TNS2: variants seen among roughly 807,000 people sequenced by gnomAD.
The protein encoded by TNS2 is tensin-2.
In TNS2, 77 loss-of-function variants were observed where a neutral mutation model predicts 155.7. The ratio of observed to expected loss-of-function variants is 0.49; its 90% CI spans 0.41 to 0.60. The LOEUF (loss-of-function observed/expected upper bound fraction) is 0.60, where lower values mean the gene tolerates loss of function less well. Among genes scored for constraint, TNS2 ranks in the 20% least tolerant of loss-of-function variants. The pLI is 0.00. For missense variants in TNS2, 1,703 were observed against 1,868.8 expected, an observed-to-expected ratio of 0.91 and a Z score of 1.64; for synonymous variants, 726 against 763.9, an observed-to-expected ratio of 0.95 and a Z score of 0.82.
In TNS2 at chr12:53,063,724, C is replaced by T. The variant is rs1944458871; in HGVS notation, c.4092-20C>T. 6.2e-7 allele frequency: 1 copy of T among 1,613,822 alleles called. No homozygotes were observed. Among genetic ancestry groups the T allele is most frequent in the East Asian group, 2.2e-5 (1 of 44,874 alleles). On this transcript the variant is annotated intron_variant, in intron 28 of 28. Transcript: ENST00000314250. This position sits in a 1 kb window ranked among gnomAD's most constrained non-coding sequence, Gnocchi z 5.6. ...TGTGGAAGGAATGTTAAGCCCCTTC[C>T]CCACCCTTTATCCCCCTAGGATCTT... is the stretch of plus-strand genomic sequence containing the variant.
At chr12:53,055,422 G>A in intron 8 of TNS2, 146 bp from the exon 9 acceptor site, 1 of 1,198,156 alleles carries the variant, frequency 8.3e-7, no homozygotes, top group African/African-American at 1.5e-5. Flanking sequence ...CCATTGTATG[G>A]ATAAGGAAAG....
In TNS2 at chr12:53,050,075, C is replaced by A. The variant is rs1036148016; in HGVS notation, c.-111C>A. Reference sequence around the variant, plus strand: ...CTCCTCACACCAGCCAGACAGCCTACCCTCCGCCCAGGGGAAGCGGCTGCC... The same window carrying A: ...CTCCTCACACCAGCCAGACAGCCTAACCTCCGCCCAGGGGAAGCGGCTGCC... On this transcript the variant is annotated 5_prime_UTR_variant, in exon 1 of 29. Transcript: ENST00000314250. The surrounding 1 kb of genome is among the most constrained non-coding windows in gnomAD (Gnocchi z 4.7). The A allele has an allele frequency of 2.6e-6, 4 of 1,532,668 alleles. No individual in the cohort carries two copies. In the Admixed American group the frequency reaches 8.3e-5, roughly 32 times the overall value. 94.9% of individuals were successfully genotyped at this position (1,532,668 alleles called of 1,614,324 possible).
rs760671930 is a variant in TNS2, at chr12:53,059,751, T to G, written c.2110T>G (p.Leu704Val). 4 of 1,612,726 alleles carry G rather than the reference T, an allele frequency of 2.5e-6. No individual in the cohort carries two copies. The East Asian group carries it at 8.9e-5, about 36-fold the overall frequency. Residue 704 changes from leucine to valine, a missense_variant, in exon 18 of 29, where the codon TTG becomes GTG. Physicochemically the swap from Leu to Val is conservative, Grantham distance 32. Coordinates refer to ENST00000314250, the MANE Select transcript of TNS2 (RefSeq NM_170754.4). The surrounding 1 kb of genome is among the most constrained non-coding windows in gnomAD (Gnocchi z 4.7). ...GAAGCTGGCGCTGCCTACAGCAGCC[T>G]TGTATGGACTGCGGCTGGAGAGGGA... ...EEKLALPTAA[L>V]YGLRLEREAG...
intron 14 of TNS2, 23 bp from the exon 15 acceptor site, chr12:53,058,293 G>C (rs753120400): frequency 6.2e-7 from 1 of 1,612,910 alleles, no homozygotes; most frequent in Non-Finnish European, 8.5e-7. Flanking sequence ...GGCCTGATCC[G>C]CAGCCTCCTG....
chr12:53,061,023 GC>G lies in TNS2; in HGVS notation c.3120del (p.Trp1041GlyfsTer114). ...CCCTCACTCCTGTGCCTTCCCAGATGCCCTGGCTTGTGGCCAGCCCAGAGCC... is the reference window on the plus strand; with the variant it reads ...CCCTCACTCCTGTGCCTTCCCAGATGCCTGGCTTGTGGCCAGCCCAGAGCC... ...SPLTPVPSQM[P>X]WLVASPEPPQ... On this transcript the variant is annotated frameshift_variant, in exon 20 of 29. Coordinates refer to ENST00000314250, the MANE Select transcript of TNS2 (RefSeq NM_170754.4). LOFTEE classifies it high-confidence loss of function. 2 of 1,613,702 alleles carry G rather than the reference GC, an allele frequency of 1.2e-6. No homozygotes were observed. The highest frequency in any genetic ancestry group is 1.7e-6 in the Non-Finnish European group (2 of 1,179,874).
intron 11 of TNS2, 117 bp from the exon 12 acceptor site, chr12:53,057,450 A>C: frequency 1.2e-6 from 1 of 817,392 alleles, no homozygotes; most frequent in Non-Finnish European, 2.0e-6. Context: ...GTGACCCGGA[A>C]GATGGGAAGG....
Position 53,063,959 on chromosome 12 carries a change from T to C in TNS2, c.*77T>C. The C allele has an allele frequency of 6.5e-7, 1 of 1,535,096 alleles. No individual in the cohort carries two copies. The highest frequency in any genetic ancestry group is 8.8e-7 in the Non-Finnish European group (1 of 1,130,530). On this transcript the variant is annotated 3_prime_UTR_variant, in exon 29 of 29. Transcript: ENST00000314250. The surrounding 1 kb of genome is among the most constrained non-coding windows in gnomAD (Gnocchi z 5.6). ...CCCACAGCCCTCACATCCCCTGGCC[T>C]GGACCCAGGAGACCCAGGAGAAAGC...
At chr12:53,049,563 A>T (rs1565599847), upstream of TNS2, among the ~76,000 whole-genome samples, 1 of 151,926 alleles carries the variant, frequency 6.6e-6, no homozygotes, top group Non-Finnish European at 1.5e-5. Flanking sequence ...TCCTTTTCCT[A>T]CTTCATAACG....
rs555989797 is a variant in TNS2 at position 53,055,551 on chromosome 12, C to G, written c.574-17C>G. 1.3e-5 allele frequency: 20 copies of G among 1,589,698 alleles called. No individual in the cohort carries two copies. The highest frequency in any genetic ancestry group is 1.5e-5 in the Non-Finnish European group (18 of 1,164,444). On this transcript the variant is annotated splice_polypyrimidine_tract_variant and intron_variant, in intron 8 of 28. Transcript: ENST00000314250. ...TGGTGGCCCCCGGCCCCAGTTGCAC[C>G]CCTGCATTCTCCCCAGGTTCAAGAC...
chr12:53,059,097 G>C lies in TNS2; in HGVS notation c.1456G>C (p.Val486Leu). ...GPLDGSPYAQ[V>L]QRPPRQTPPA... ...CCTGGATGGCAGTCCTTATGCCCAGGTGCAGCGGCCTCCCCGGCAGACCCC... is the reference window on the plus strand; with the variant it reads ...CCTGGATGGCAGTCCTTATGCCCAGCTGCAGCGGCCTCCCCGGCAGACCCC... The change falls in exon 18 of 29, where the codon GTG becomes CTG. Residue 486 changes from valine (V) to leucine (L), a missense_variant. Coordinates refer to ENST00000314250, the MANE Select transcript of TNS2 (RefSeq NM_170754.4). This position sits in a 1 kb window ranked among gnomAD's most constrained non-coding sequence, Gnocchi z 4.7. 1.3e-6 allele frequency: 2 copies of C among 1,549,630 alleles called. No homozygotes were observed. The highest frequency in any genetic ancestry group is 8.7e-7 in the Non-Finnish European group (1 of 1,154,612).
Position 53,063,110 on chromosome 12 carries a change from C to T in TNS2, c.3845C>T (p.Thr1282Ile). 6.4e-7 allele frequency: 1 copy of T among 1,573,136 alleles called. No homozygotes were observed. Among genetic ancestry groups the T allele is most frequent in the Non-Finnish European group, 8.6e-7 (1 of 1,161,246 alleles). The change falls in exon 26 of 29, where the codon ACC (threonine) becomes ATC (isoleucine). Residue 1282 changes from threonine to isoleucine, a missense_variant. Physicochemically the swap from Thr to Ile is moderately conservative, Grantham distance 89 (BLOSUM62 -1). Transcript: ENST00000314250. This position sits in a 1 kb window ranked among gnomAD's most constrained non-coding sequence, Gnocchi z 5.6. ...GTAGCCTGCAGCGTGCTCTACTTGACCTCAGTGGAGACAGAGTCACTGACG... is the reference window on the plus strand; with the variant it reads ...GTAGCCTGCAGCGTGCTCTACTTGATCTCAGTGGAGACAGAGTCACTGACG... ...QGAACSVLYL[T>I]SVETESLTGP...
rs773909536 is a variant in TNS2 at position 53,057,582 on chromosome 12, C to T, written c.861C>T (p.Phe287=). 3 of 1,612,534 alleles carry T rather than the reference C, an allele frequency of 1.9e-6. No individual in the cohort carries two copies. The highest frequency in any genetic ancestry group is 2.5e-6 in the Non-Finnish European group (3 of 1,178,904). ...QPSQRRYISY[F]SGLLSGSIRM... is the part of the protein sequence containing the mutation. ...CCTCCACCAGATATATCAGCTACTT[C>T]AGTGGGCTGCTATCTGGCTCCATCA... Residue 287 remains phenylalanine, a synonymous_variant, in exon 12 of 29, where the codon TTC becomes TTT. Coordinates refer to ENST00000314250, the MANE Select transcript of TNS2 (RefSeq NM_170754.4).
At chr12:53,057,122 C>T (rs1356555321) in intron 11 of TNS2, 26 bp downstream of exon 11, 1 of 1,599,722 alleles carries the variant, frequency 6.3e-7, no homozygotes, top group South Asian at 1.1e-5. Flanking sequence ...GGGGATGGGC[C>T]AGAGGAGCAG....
chr12:53,063,627 A>G lies in TNS2; in HGVS notation c.4091+35A>G, dbSNP rs1415741560. 3.7e-6 allele frequency: 6 copies of G among 1,614,120 alleles called. No individual in the cohort carries two copies. Among genetic ancestry groups the G allele is most frequent in the East Asian group, 2.2e-5 (1 of 44,868 alleles). On this transcript the variant is annotated intron_variant, in intron 28 of 28. Transcript: ENST00000314250. The surrounding 1 kb of genome is among the most constrained non-coding windows in gnomAD (Gnocchi z 5.6). ...CCCACGAATTCAGCCTCTTCCTTCC[A>G]AGGGACCAGGGCGCTGCTGTCCTCT... is the stretch of plus-strand genomic sequence containing the variant.
intron 13 of TNS2, 70 bp from the exon 14 acceptor site, chr12:53,057,957 C>T: frequency 1.2e-6 from 2 of 1,610,166 alleles, no homozygotes; most frequent in Non-Finnish European, 1.7e-6. Context: ...CCTGGCTCCC[C>T]CTGACTGCAT....
intron 10 of TNS2, 93 bp from the exon 11 acceptor site, chr12:53,056,920 A>T: frequency 8.2e-7 from 1 of 1,219,346 alleles, no homozygotes; most frequent in Non-Finnish European, 1.2e-6. Flanking sequence ...GACTTAGAGA[A>T]TCATATTTCT....
upstream of TNS2, among the ~76,000 whole-genome samples, chr12:53,047,832 C>A (rs1034833395): frequency 6.6e-6 from 1 of 152,202 alleles, no homozygotes; most frequent in Non-Finnish European, 1.5e-5. Flanking sequence ...TCCAGTCTGC[C>A]CCCATCCTCC....
At chr12:53,049,791 C>T (rs1037377934), upstream of TNS2, 1 of 275,562 alleles carries the variant, frequency 3.6e-6, no homozygotes, top group Non-Finnish European at 7.0e-6. Context: ...AATTCTCACC[C>T]GGCCCCACCG....
upstream of TNS2, chr12:53,047,149 G>GGGAGTA: frequency 6.8e-6 from 1 of 147,952 alleles, no homozygotes; most frequent in South Asian, 1.9e-4. Flanking sequence ...GGAGCCGGGA[G>GGGAGTA]GGAGGAGGAG....
Sources: allele counts gnomAD v4.1 joint callset (sites outside exome capture counted in the v4.1 genomes callset), GRCh38; gene constraint gnomAD v4.1.1; non-coding constraint Gnocchi (gnomAD v3.1); transcripts MANE v1.5; gene names NCBI Gene and HGNC (gene_info 2026-07-23, HGNC 2026-07-21).